The following METTL8 variants were observed in gnomAD, a reference collection of about 807,000 sequenced individuals.
METTL8 encodes methyltransferase 8, tRNA N3-cytidine, also known as tRNA N(3)-cytidine methyltransferase METTL8, mitochondrial.
METTL8 carries 32 observed loss-of-function variants against 48.7 expected under a neutral mutation model. The ratio of observed to expected loss-of-function variants is 0.66; its 90% confidence interval spans 0.50 to 0.88. METTL8 has a LOEUF of 0.88. METTL8 is among the 40% of genes least tolerant of loss of function. The pLI is 0.00. For missense variants in METTL8, 464 were observed against 474.4 expected, an observed-to-expected ratio of 0.98 and a Z score of 0.20; for synonymous variants, 136 against 157.1, an observed-to-expected ratio of 0.87 and a Z score of 1.01.
intron 1 of METTL8, among the ~76,000 whole-genome samples, chr2:171,401,804 G>A (rs1027095309): frequency 1.3e-5 from 2 of 151,320 alleles, no homozygotes; most frequent in Non-Finnish European, 2.9e-5. Context: ...ATTCTTGATG[G>A]CATCATTGAA....
intron 3 of METTL8, among the ~76,000 whole-genome samples, chr2:171,356,952 A>ATGTTTTGTTTTTTTTTTTTTT: frequency 1.3e-5 from 1 of 78,468 alleles, no homozygotes; most frequent in Non-Finnish European, 2.4e-5. Flanking sequence ...CAAAGACAAT[A>ATGTTTTGTTTTTTTTTTTTTT]TTTTTTTTTT....
At chr2:171,373,980 T>C (rs1686664605) in intron 2 of METTL8, among the ~76,000 whole-genome samples, 1 of 152,222 alleles carries the variant, frequency 6.6e-6, no homozygotes, top group South Asian at 2.1e-4. Flanking sequence ...TTTGGTTCCA[T>C]GTGAACTTTA....
At chr2:171,355,378 T>C (rs1203830367) in intron 3 of METTL8, among the ~76,000 whole-genome samples, 2 of 150,862 alleles carry the variant, frequency 1.3e-5, no homozygotes, top group Non-Finnish European at 2.9e-5. Context: ...AGTCAGCCCC[T>C]ACTGGGAGGT....
At chr2:171,358,718 T>G (rs1684847056) in intron 3 of METTL8, among the ~76,000 whole-genome samples, 1 of 152,062 alleles carries the variant, frequency 6.6e-6, no homozygotes, top group African/African-American at 2.4e-5. Context: ...GAAGAAAACA[T>G]TGGGGGAAAT....
rs751171404 is a variant in METTL8 at position 171,398,284 on chromosome 2, T to C, written c.-12-6087A>G. ...AAATGGATAAACAAAATGTGATACA[T>C]ACATACATATATATGTACAATGGAA... On this transcript the variant is annotated intron_variant, in intron 1 of 9. Coordinates refer to ENST00000375258, the MANE Select transcript of METTL8 (RefSeq NM_001321154.2). 9.2e-5 allele frequency among the ~76,000 whole-genome samples: 14 copies of C among 152,122 alleles called. No individual in the cohort carries two copies. The East Asian group carries it at 1.7e-3, about 19-fold the overall frequency.
chr2:171,415,038 C>G (rs1430793794), intron 1 of METTL8, among the ~76,000 whole-genome samples: 1 of 152,120 alleles, frequency 6.6e-6, no homozygotes, highest in Non-Finnish European at 1.5e-5. Flanking sequence ...TGAGGCCTCC[C>G]CAGCCACATG....
At position 171,379,447 on chromosome 2, in the gene METTL8, T is replaced by TA. The variant is rs200665965; in HGVS notation, c.143+12595dup. ...AGGAGATAGAGACACAAAAAACCCTTAAAAAAAAAAATCAATGAATCCAGG... is the reference window on the plus strand; with the variant it reads ...AGGAGATAGAGACACAAAAAACCCTTAAAAAAAAAAAATCAATGAATCCAGG... On this transcript the variant is annotated intron_variant, in intron 2 of 9. Coordinates refer to ENST00000375258, the MANE Select transcript of METTL8 (RefSeq NM_001321154.2). Among the ~76,000 whole-genome samples, 1,456 of 146,194 alleles carry TA rather than the reference T, an allele frequency of 1.0e-2. 20 individuals are homozygous for TA. The highest frequency in any genetic ancestry group is 0.033 in the African/African-American group (1,342 of 40,078).
intron 2 of METTL8, among the ~76,000 whole-genome samples, chr2:171,387,422 C>T (rs1021624922): frequency 6.6e-6 from 1 of 151,988 alleles, no homozygotes; most frequent in African/African-American, 2.4e-5. Flanking sequence ...CCCAGATACT[C>T]AGGAGGCTGA....
At chr2:171,429,698 G>A (rs1046875195) in intron 1 of METTL8, among the ~76,000 whole-genome samples, 41 of 152,266 alleles carry the variant, frequency 2.7e-4, no homozygotes, top group African/African-American at 8.7e-4. Context: ...ATACTAAAAA[G>A]GTTTTAAGTT....
Position 171,344,930 on chromosome 2 carries a change from G to A in METTL8, c.236-5376C>T, listed in dbSNP as rs371897798. Among the ~76,000 whole-genome samples the A allele has an allele frequency of 7.9e-5, 12 of 152,202 alleles. 1 individual carries two copies. The East Asian group carries it at 9.6e-4, about 12-fold the overall frequency. ...GGAGGAATTACTGCTCTGACCATGA[G>A]TAAAAAATTCAGTATCAAGCTGCTG... On this transcript the variant is annotated intron_variant, in intron 3 of 9. Coordinates refer to ENST00000375258, the MANE Select transcript of METTL8 (RefSeq NM_001321154.2).
intron 1 of METTL8, among the ~76,000 whole-genome samples, chr2:171,430,259 G>A (rs1692856321): frequency 1.3e-5 from 2 of 149,304 alleles, no homozygotes; most frequent in African/African-American, 2.5e-5. Context: ...TGGGGAGGCT[G>A]AGGCAGGAGA....
In METTL8 at chr2:171,337,381, A is replaced by G. The variant is rs1686231999; in HGVS notation, c.656+72T>C. 4.3e-6 allele frequency: 5 copies of G among 1,175,378 alleles called. No individual in the cohort carries two copies. In the South Asian group the frequency reaches 4.4e-5, roughly 10 times the overall value. 72.8% of individuals were successfully genotyped at this position (1,175,378 alleles called of 1,614,324 possible). ...AAACACTACTGGCATACACGTGACA[A>G]TATTTTCCCAGAATTTCTCAACATT... On this transcript the variant is annotated intron_variant, in intron 5 of 9. Coordinates refer to ENST00000375258, the MANE Select transcript of METTL8 (RefSeq NM_001321154.2).
chr2:171,413,777 T>C (rs1690992919), intron 1 of METTL8, among the ~76,000 whole-genome samples: 2 of 152,126 alleles, frequency 1.3e-5, no homozygotes, highest in Non-Finnish European at 2.9e-5. Flanking sequence ...GGAAAGCCCA[T>C]CACACAGAAA....
intron 1 of METTL8, among the ~76,000 whole-genome samples, chr2:171,394,907 A>G (rs1241766586): frequency 6.6e-6 from 1 of 152,206 alleles, no homozygotes; most frequent in Non-Finnish European, 1.5e-5. Flanking sequence ...TTGCAGTGCG[A>G]AGGAAGTGAT....
intron 3 of METTL8, among the ~76,000 whole-genome samples, chr2:171,350,863 G>A (rs962929893): frequency 2.0e-5 from 3 of 152,106 alleles, no homozygotes; most frequent in Non-Finnish European, 2.9e-5. Context: ...CTGGATATTA[G>A]CCCTTTGTCA....
At chr2:171,401,332 A>C (rs1056362985) in intron 1 of METTL8, among the ~76,000 whole-genome samples, 3 of 152,216 alleles carry the variant, frequency 2.0e-5, no homozygotes, top group Non-Finnish European at 2.9e-5. Context: ...ACCATCTGCC[A>C]GACAAACAGC....
chr2:171,391,557 TC>T (rs1688578851), intron 2 of METTL8, among the ~76,000 whole-genome samples: 1 of 152,236 alleles, frequency 6.6e-6, no homozygotes, highest in Non-Finnish European at 1.5e-5. Flanking sequence ...GGGGTAATTA[TC>T]AGCTTTTTCT....
chr2:171,417,518 G>A (rs146940761), intron 1 of METTL8, among the ~76,000 whole-genome samples: 432 of 152,286 alleles, frequency 2.8e-3, no homozygotes, highest in African/African-American at 9.4e-3. Flanking sequence ...TTCACTAACA[G>A]ATAAAGAAAT....
chr2:171,349,051 C>T (rs1194430699), intron 3 of METTL8, among the ~76,000 whole-genome samples: 1 of 152,092 alleles, frequency 6.6e-6, no homozygotes, highest in Non-Finnish European at 1.5e-5. Context: ...ATGTATAGTT[C>T]AGTACTGTTG....
Sources: gnomAD v4.1 joint callset for allele counts (sites outside exome capture counted in the v4.1 genomes callset) on GRCh38, gnomAD v4.1.1 for gene constraint, MANE v1.5 for transcripts, NCBI Gene and HGNC (gene_info 2026-07-23, HGNC 2026-07-21) for gene names.